GRIA3: variants seen among roughly 807,000 people sequenced by gnomAD.
The protein encoded by GRIA3 is glutamate receptor 3.
In GRIA3, 3 loss-of-function variants were observed where a neutral mutation model predicts 63.0. The ratio of observed to expected loss-of-function variants is 0.05; its 90% CI spans 0.02 to 0.12. The LOEUF (loss-of-function observed/expected upper bound fraction) is 0.12, where lower values mean the gene tolerates loss of function less well. Among genes scored for constraint, GRIA3 ranks in the 10% least tolerant of loss-of-function variants. The pLI, the probability that GRIA3 is intolerant of heterozygous loss-of-function variation, is 1.00. For missense variants in GRIA3, 347 were observed against 700.9 expected, an observed-to-expected ratio of 0.50 and a Z score of 5.70; for synonymous variants, 274 against 257.9, an observed-to-expected ratio of 1.06 and a Z score of -0.60.
rs1325023143 is a variant in GRIA3 at position 123,451,486 on chromosome X, CAG to C, written c.2077-13371_2077-13370del. Among the ~76,000 whole-genome samples the C allele has an allele frequency of 2.6e-4, 15 of 57,743 alleles. No individual in the cohort carries two copies. The Admixed American group carries it at 4.4e-3, about 17-fold the overall frequency. 50.1% of individuals were successfully genotyped at this position (57,743 alleles called of 115,157 possible). On this transcript the variant is annotated intron_variant, in intron 12 of 15. Transcript: ENST00000620443. ...CACAAGTGCACGCCAGCCTGGACAA[CAG>C]AGAGAGACTCTGTCTCTAAAAAAAA...
At chrX:123,375,035 T>C (rs752799147) in intron 5 of GRIA3, among the ~76,000 whole-genome samples, 254 of 111,345 alleles carry the variant, frequency 2.3e-3, no homozygotes, top group Non-Finnish European at 4.1e-3. Flanking sequence ...ATGCTTTCCA[T>C]TTTTTTTCCC....
At chrX:123,486,553 G>A (rs140774276) in intron 15 of GRIA3, among the ~76,000 whole-genome samples, 190 of 112,097 alleles carry the variant, frequency 1.7e-3, no homozygotes, top group African/African-American at 5.7e-3. Flanking sequence ...CTCATACGAC[G>A]CCAGGAAAAC....
At chrX:123,241,758 A>T (rs771753455) in intron 2 of GRIA3, among the ~76,000 whole-genome samples, 16 of 111,225 alleles carry the variant, frequency 1.4e-4, no homozygotes, top group Non-Finnish European at 3.0e-4. Context: ...AAGAAGTCAT[A>T]GACAGGTGGG....
chrX:123,307,313 A>T, intron 3 of GRIA3, among the ~76,000 whole-genome samples: 1 of 111,991 alleles, frequency 8.9e-6, no homozygotes, highest in East Asian at 2.8e-4. Context: ...TGCTGACTAA[A>T]TTGGGGCAGA....
intron 10 of GRIA3, among the ~76,000 whole-genome samples, chrX:123,410,213 AAG>A (rs771091055): frequency 1.8e-5 from 2 of 111,570 alleles, no homozygotes; most frequent in Non-Finnish European, 3.8e-5. Context: ...CTAAGGGAAA[AAG>A]AGAGTCAGGA....
chrX:123,247,875 G>A (rs751137630), intron 2 of GRIA3, among the ~76,000 whole-genome samples: 4 of 111,563 alleles, frequency 3.6e-5, no homozygotes, highest in African/African-American at 1.3e-4. Context: ...TACACAGAGA[G>A]AGAGAGAGAG....
intron 2 of GRIA3, chrX:123,202,589 A>C: frequency 2.6e-6 from 3 of 1,141,627 alleles, no homozygotes; most frequent in Non-Finnish European, 3.5e-6. Context: ...CCGCTGAAGG[A>C]GACCTATGGC....
chrX:123,208,838 T>C (rs952087023), intron 2 of GRIA3, among the ~76,000 whole-genome samples: 10 of 112,284 alleles, frequency 8.9e-5, no homozygotes, highest in South Asian at 3.7e-4. Context: ...TTGACTCCTA[T>C]TTCCAAATAG....
intron 5 of GRIA3, among the ~76,000 whole-genome samples, chrX:123,366,214 T>C (rs1370992408): frequency 1.8e-5 from 2 of 111,422 alleles, no homozygotes; most frequent in Non-Finnish European, 1.9e-5. Flanking sequence ...TTAGAATGCC[T>C]AACCACCTCG....
chrX:123,474,993 C>A (rs183491844), intron 13 of GRIA3, among the ~76,000 whole-genome samples: 328 of 111,818 alleles, frequency 2.9e-3, no homozygotes, highest in African/African-American at 9.9e-3. Context: ...AAAATGAACT[C>A]ATTATCAAAG....
At chrX:123,419,716 A>T (rs1367849256) in intron 11 of GRIA3, among the ~76,000 whole-genome samples, 2 of 111,182 alleles carry the variant, frequency 1.8e-5, no homozygotes, top group Non-Finnish European at 1.9e-5. Context: ...TTGGACTAAA[A>T]TTCTATTTAT....
chrX:123,245,949 G>A (rs762332385), intron 2 of GRIA3, among the ~76,000 whole-genome samples: 1 of 111,349 alleles, frequency 9.0e-6, no homozygotes, highest in Non-Finnish European at 1.9e-5. Context: ...CACTCAAGAA[G>A]CCCAAAGAGT....
At chrX:123,380,820 G>A (rs1160262418) in intron 5 of GRIA3, among the ~76,000 whole-genome samples, 6 of 111,280 alleles carry the variant, frequency 5.4e-5, no homozygotes, top group African/African-American at 1.6e-4. Flanking sequence ...ATTAATTTTC[G>A]TATAGGGTGT....
chrX:123,279,385 AAAT>A (rs953125525), intron 3 of GRIA3, among the ~76,000 whole-genome samples: 2 of 112,054 alleles, frequency 1.8e-5, no homozygotes, highest in African/African-American at 3.2e-5. Context: ...CTTACCACAA[AAAT>A]AATAATAATA....
At chrX:123,412,734 T>C (rs1254354173) in intron 10 of GRIA3, among the ~76,000 whole-genome samples, 1 of 111,789 alleles carries the variant, frequency 8.9e-6, no homozygotes, top group Non-Finnish European at 1.9e-5. Flanking sequence ...GCTATTCCCT[T>C]GCCTTTTTCC....
At chrX:123,380,752 T>G (rs1382322259) in intron 5 of GRIA3, among the ~76,000 whole-genome samples, 2 of 111,974 alleles carry the variant, frequency 1.8e-5, no homozygotes, top group Admixed American at 1.9e-4. Flanking sequence ...TTGCCTAGGT[T>G]TTCTTCTAGG....
intron 12 of GRIA3, among the ~76,000 whole-genome samples, chrX:123,463,178 C>T (rs1352502851): frequency 2.7e-5 from 3 of 110,917 alleles, no homozygotes; most frequent in Admixed American, 9.6e-5. Context: ...TCTTCCAGTG[C>T]TTCTCAATAA....
intron 5 of GRIA3, among the ~76,000 whole-genome samples, chrX:123,391,080 T>C (rs751668324): frequency 8.9e-6 from 1 of 111,990 alleles, no homozygotes; most frequent in South Asian, 3.7e-4. Flanking sequence ...GATTTCTGTG[T>C]TCTCTTGTAT....
chrX:123,364,786 A>C (rs2045199625), intron 5 of GRIA3, among the ~76,000 whole-genome samples: 1 of 112,981 alleles, frequency 8.9e-6, no homozygotes, highest in Non-Finnish European at 1.9e-5. Context: ...TTAGCCATAA[A>C]AGGGTGGAAA....
Sources: gnomAD v4.1 joint callset for allele counts (sites outside exome capture counted in the v4.1 genomes callset) on GRCh38, gnomAD v4.1.1 for gene constraint, MANE v1.5 for transcripts, NCBI Gene and HGNC (gene_info 2026-07-23, HGNC 2026-07-21) for gene names.